The following MTMR10 variants were observed in gnomAD, a reference collection of about 807,000 sequenced individuals.
MTMR10 encodes myotubularin-related protein 10.
A neutral mutation model predicts 88.1 loss-of-function variants in MTMR10; 56 were observed. That is an observed-to-expected ratio of 0.64 (90% CI 0.51 to 0.79). The LOEUF (loss-of-function observed/expected upper bound fraction) is 0.79. Among genes scored for constraint, MTMR10 ranks in the 30% least tolerant of loss-of-function variants. The pLI is 0.00. For missense variants in MTMR10, 883 were observed against 924.7 expected (o/e 0.95, Z 0.58); for synonymous variants, 380 against 340.9 (o/e 1.11, Z -1.26).
At chr15:30,929,089 G>A in the MTMR10 span, 4 of 876,874 alleles carry the variant, frequency 4.6e-6, no homozygotes. Context: ...TATCTTTTGA[G>A]AGAAAGAATG....
At chr15:30,965,693 G>A (rs1054527884) in intron 6 of MTMR10, among the ~76,000 whole-genome samples, 1 of 152,182 alleles carries the variant, frequency 6.6e-6, no homozygotes, top group Admixed American at 6.5e-5. Context: ...TTTACTCCAG[G>A]ATATTCACAG....
At chr15:30,936,335 A>G (rs937676556), downstream of MTMR10, among the ~76,000 whole-genome samples, 2 of 152,214 alleles carry the variant, frequency 1.3e-5, no homozygotes, top group Admixed American at 6.5e-5. Context: ...GAAATGTCCC[A>G]GGCAGCGGGA....
chr15:30,958,828 ACTAT>A lies in MTMR10; in HGVS notation c.935+31_935+34del, dbSNP rs749123124. On this transcript the variant is annotated intron_variant, in intron 9 of 15. Transcript: ENST00000435680. Reference sequence around the variant, plus strand: ...TCACTGTAGTTACACAACAAGTAAAACTATCTAAAGTGACAATGACCATTTCTCA... The same window carrying A: ...TCACTGTAGTTACACAACAAGTAAAACTAAAGTGACAATGACCATTTCTCA... 3.8e-6 allele frequency: 6 copies of A among 1,599,914 alleles called. No individual in the cohort carries two copies. The South Asian group carries it at 5.5e-5, about 15-fold the overall frequency.
chr15:30,969,858 GT>G (rs977001593), intron 5 of MTMR10, among the ~76,000 whole-genome samples: 7 of 151,898 alleles, frequency 4.6e-5, no homozygotes, highest in African/African-American at 1.7e-4. Context: ...CATCTCCACT[GT>G]CACACTCTTT....
chr15:30,979,960 G>C (rs950537583), intron 2 of MTMR10, among the ~76,000 whole-genome samples: 3 of 152,236 alleles, frequency 2.0e-5, no homozygotes, highest in Non-Finnish European at 2.9e-5. Flanking sequence ...GCTTTCACAG[G>C]ACAAAGACAG....
chr15:30,920,132 G>A, the MTMR10 span, among the ~76,000 whole-genome samples: 6 of 152,214 alleles, frequency 3.9e-5, no homozygotes, highest in Non-Finnish European at 8.8e-5. Context: ...GAGCCTGGCT[G>A]TGTTCCAGTT....
chr15:30,942,152 A>C, intron 15 of MTMR10, 80 bp from the exon 16 acceptor site: 2 of 1,439,152 alleles, frequency 1.4e-6, no homozygotes, highest in Non-Finnish European at 1.9e-6. Context: ...ATATAAACTC[A>C]ATACTATGAA....
At chr15:30,935,081 G>A (rs527847654), downstream of MTMR10, among the ~76,000 whole-genome samples, 38 of 152,136 alleles carry the variant, frequency 2.5e-4, no homozygotes, top group Non-Finnish European at 3.5e-4. Context: ...TGAGGTGGGC[G>A]GATTGCTTGG....
In MTMR10 at chr15:30,941,237, G is replaced by T; in HGVS notation, c.*233C>A. 1 of 1,428,688 alleles carries T rather than the reference G, an allele frequency of 7.0e-7. No individual in the cohort carries two copies. The highest frequency in any genetic ancestry group is 1.4e-5 in the African/African-American group (1 of 70,780). The allele number at this position is 1,428,688 out of a possible 1,614,324, so 88.5% of individuals were successfully genotyped here. A position where few individuals can be genotyped will look rare whatever the true frequency, so the allele number is the denominator to read the frequency against. ...CAGACAACATGAACAGTTTGATCACGGTTACAAGAGCCAGACCTGTAATGA... is the reference window on the plus strand; with the variant it reads ...CAGACAACATGAACAGTTTGATCACTGTTACAAGAGCCAGACCTGTAATGA... On this transcript the variant is annotated 3_prime_UTR_variant, in exon 16 of 16. Transcript: ENST00000435680.
chr15:30,920,254 G>A, the MTMR10 span, among the ~76,000 whole-genome samples: 1 of 152,150 alleles, frequency 6.6e-6, no homozygotes, highest in Non-Finnish European at 1.5e-5. Context: ...TTCTTAGTTT[G>A]CAGGACATAG....
chr15:30,957,444 C>T (rs2063342640), intron 9 of MTMR10, among the ~76,000 whole-genome samples: 1 of 152,134 alleles, frequency 6.6e-6, no homozygotes, highest in Non-Finnish European at 1.5e-5. Context: ...ATGAGTGAGC[C>T]GGGTGCAGTG....
intron 3 of MTMR10, 95 bp downstream of exon 3, chr15:30,976,724 A>T (rs538999566): frequency 1.5e-6 from 2 of 1,344,944 alleles, no homozygotes; most frequent in Admixed American, 2.4e-5. Flanking sequence ...TAATACTTCT[A>T]CTATAACTTT....
Position 30,939,653 on chromosome 15 carries a change from A to G in MTMR10, c.*1817T>C. On this transcript the variant is annotated 3_prime_UTR_variant, in exon 16 of 16. Transcript: ENST00000435680. The stretch of plus-strand genomic sequence containing the variant: ...ATTAACAACAATAAAATACTACAAG[A>G]GTTAAAATAAACGTGAAGGAAGAAA... 2.4e-6 allele frequency: 2 copies of G among 845,194 alleles called. No homozygotes were observed. Among genetic ancestry groups the G allele is most frequent in the Non-Finnish European group, 2.7e-6 (2 of 745,938 alleles). The allele number at this position is 845,194 out of a possible 1,614,324, so 52.4% of individuals were successfully genotyped here.
chr15:30,925,165 A>G, the MTMR10 span: 1 of 1,613,994 alleles, frequency 6.2e-7, no homozygotes, highest in South Asian at 1.1e-5. Flanking sequence ...CGGATCCGGA[A>G]GTCAGAACGG....
chr15:30,926,172 T>C, the MTMR10 span, among the ~76,000 whole-genome samples: 170 of 152,356 alleles, frequency 1.1e-3, 1 homozygote, highest in African/African-American at 3.8e-3. Flanking sequence ...TAAAAACTTA[T>C]AAAAGTTATG....
chr15:30,929,383 CTT>C, the MTMR10 span: 59 of 1,602,902 alleles, frequency 3.7e-5, no homozygotes, highest in Non-Finnish European at 4.7e-5. Context: ...CTTCACGTCT[CTT>C]CAGCAAGCTC....
At position 30,939,628 on chromosome 15, in the gene MTMR10, A is replaced by G. The variant is rs999281208; in HGVS notation, c.*1842T>C. 3 of 923,936 alleles carry G rather than the reference A, an allele frequency of 3.2e-6. No homozygotes were observed. The highest frequency in any genetic ancestry group is 1.8e-5 in the African/African-American group (1 of 54,264). 57.2% of individuals were successfully genotyped at this position (923,936 alleles called of 1,614,324 possible). A position where few individuals can be genotyped will look rare whatever the true frequency, so the allele number is the denominator to read the frequency against. On this transcript the variant is annotated 3_prime_UTR_variant, in exon 16 of 16. Coordinates refer to ENST00000435680, the MANE Select transcript of MTMR10 (RefSeq NM_017762.3). ...GTACCTAATATTTTTAAACTTGTAA[A>G]TTAACAACAATAAAATACTACAAGA...
intron 12 of MTMR10, chr15:30,949,485 A>C (rs1309282798): frequency 6.6e-6 from 1 of 152,262 alleles, no homozygotes; most frequent in Admixed American, 6.5e-5. Context: ...AACTACTAGA[A>C]TTAATAAATG....
In MTMR10 at chr15:30,958,240, TA is replaced by T. The variant is rs540820287; in HGVS notation, c.935+622del. Among the ~76,000 whole-genome samples the T allele has an allele frequency of 8.0e-4, 122 of 152,310 alleles. 7 individuals carry two copies. The South Asian group carries it at 0.025, about 31-fold the overall frequency. On this transcript the variant is annotated intron_variant, in intron 9 of 15. Coordinates refer to ENST00000435680, the MANE Select transcript of MTMR10 (RefSeq NM_017762.3). The stretch of plus-strand genomic sequence containing the variant: ...TGAGGAAGCGGCCTTAGAATCTGTG[TA>T]ATGTCTGGAGAGAAGAGGATGGGTC...
Sources: allele counts gnomAD v4.1 joint callset (sites outside exome capture counted in the v4.1 genomes callset), GRCh38; gene constraint gnomAD v4.1.1; transcripts MANE v1.5; gene names NCBI Gene and HGNC (gene_info 2026-07-23, HGNC 2026-07-21).